SLC24A1: variants seen among roughly 807,000 people sequenced by gnomAD.
SLC24A1 encodes solute carrier family 24 member 1.
In SLC24A1, 52 loss-of-function variants were observed where a neutral mutation model predicts 88.1. That is an observed-to-expected ratio of 0.59 (90% CI 0.47 to 0.74). SLC24A1 has a LOEUF of 0.74. SLC24A1 is among the 30% of genes least tolerant of loss of function. The pLI is 0.00. For synonymous variants in SLC24A1, 455 were observed against 498.0 expected (o/e 0.91, Z 1.15); for missense variants, 1,173 against 1,363.3 (o/e 0.86, Z 2.20).
At chr15:65,615,201 T>G (rs1236802050) in intron 2 of SLC24A1, among the ~76,000 whole-genome samples, 1 of 151,368 alleles carries the variant, frequency 6.6e-6, no homozygotes, top group Non-Finnish European at 1.5e-5. Flanking sequence ...CAAGATCTTA[T>G]CTCTAAAAAC....
intron 2 of SLC24A1, among the ~76,000 whole-genome samples, chr15:65,635,899 G>C (rs546659106): frequency 6.6e-6 from 1 of 152,292 alleles, no homozygotes; most frequent in South Asian, 2.1e-4. Flanking sequence ...AAGCATCTTT[G>C]TATCCCTAAA....
At position 65,638,181 on chromosome 15, in the gene SLC24A1, G is replaced by A; in HGVS notation, c.1944G>A (p.Lys648=). ...AGCTACAGGATAACAAGAAGCTGAA[G>A]GTGGGTGCCGTATGGAGTCTGCCCA... is the stretch of plus-strand genomic sequence containing the variant. ...VDELQDNKKL[K]LPSLLTRGSS... is the part of the protein sequence containing the mutation. The change falls in exon 3 of 10, where the codon AAG becomes AAA. Residue 648 remains lysine (K), a splice_region_variant and synonymous_variant. Transcript: ENST00000261892. 6.2e-7 allele frequency: 1 copy of A among 1,603,372 alleles called. No individual in the cohort carries two copies. The highest frequency in any genetic ancestry group is 8.5e-7 in the Non-Finnish European group (1 of 1,173,336).
chr15:65,639,900 G>C (rs1298772237), intron 4 of SLC24A1, among the ~76,000 whole-genome samples, 197 bp downstream of exon 4: 1 of 152,162 alleles, frequency 6.6e-6, no homozygotes, highest in Admixed American at 6.5e-5. Context: ...CACCAAGAGA[G>C]GGCAACAAAG....
chr15:65,635,465 A>AAAAAAAAAAG (rs2074896509), intron 2 of SLC24A1, among the ~76,000 whole-genome samples: 1 of 143,718 alleles, frequency 7.0e-6, no homozygotes, highest in Non-Finnish European at 1.5e-5. Context: ...AAAAAAAAAA[A>AAAAAAAAAAG]AAAAAGAAAA....
intron 8 of SLC24A1, chr15:65,652,197 C>T (rs2075531827): frequency 6.4e-6 from 2 of 311,846 alleles, no homozygotes; most frequent in Non-Finnish European, 1.2e-5. Context: ...ACTAGCTTTC[C>T]TCTCTAAAAG....
chr15:65,657,858 C>T (rs988075092), downstream of SLC24A1, among the ~76,000 whole-genome samples: 5 of 152,114 alleles, frequency 3.3e-5, no homozygotes, highest in African/African-American at 1.2e-4. Context: ...ACATCCTGGC[C>T]CAAGTCTGCC....
At chr15:65,630,330 C>A (rs2074672241) in intron 2 of SLC24A1, among the ~76,000 whole-genome samples, 1 of 152,192 alleles carries the variant, frequency 6.6e-6, no homozygotes, top group Non-Finnish European at 1.5e-5. Flanking sequence ...ATCAACAAGA[C>A]CTCAAGCAGA....
At chr15:65,613,351 G>A (rs550424350) in intron 2 of SLC24A1, among the ~76,000 whole-genome samples, 2 of 152,330 alleles carry the variant, frequency 1.3e-5, no homozygotes, top group East Asian at 1.9e-4. Flanking sequence ...TCAAAGGGAA[G>A]TCTAGATATC....
chr15:65,627,149 A>G (rs909558816), intron 2 of SLC24A1, among the ~76,000 whole-genome samples: 1 of 152,174 alleles, frequency 6.6e-6, no homozygotes, highest in African/African-American at 2.4e-5. Flanking sequence ...TTTAGATAAC[A>G]TGTTGTTCTG....
upstream of SLC24A1, among the ~76,000 whole-genome samples, chr15:65,617,417 G>A (rs1242592934): frequency 3.3e-5 from 5 of 152,194 alleles, no homozygotes; most frequent in East Asian, 3.9e-4. Context: ...GCAGTGGTTT[G>A]TAGTTCTCCT....
intron 6 of SLC24A1, among the ~76,000 whole-genome samples, chr15:65,649,890 A>C (rs1000852880): frequency 6.6e-6 from 1 of 152,204 alleles, no homozygotes; most frequent in Non-Finnish European, 1.5e-5. Flanking sequence ...ACTCCATGCA[A>C]TATTCTGTAT....
intron 2 of SLC24A1, among the ~76,000 whole-genome samples, chr15:65,633,491 C>T (rs1248919468): frequency 2.0e-5 from 3 of 152,012 alleles, no homozygotes; most frequent in African/African-American, 7.2e-5. Context: ...GAAACCTCGT[C>T]TGTACTAAAA....
At chr15:65,613,480 TTGTG>T (rs35141100) in intron 2 of SLC24A1, among the ~76,000 whole-genome samples, 44 of 149,120 alleles carry the variant, frequency 3.0e-4, no homozygotes, top group African/African-American at 8.9e-4. Context: ...CAGGGTGATT[TTGTG>T]TGTGTGTGTG....
In SLC24A1 at chr15:65,653,725, T is replaced by C. The variant is rs1305069439; in HGVS notation, c.3051-105T>C. 3.3e-5 allele frequency: 38 copies of C among 1,137,472 alleles called. No homozygotes were observed. In the South Asian group the frequency reaches 5.6e-4, roughly 17 times the overall value. 70.5% of individuals were successfully genotyped at this position (1,137,472 alleles called of 1,614,324 possible). A position where few individuals can be genotyped will look rare whatever the true frequency, so the allele number is the denominator to read the frequency against. The stretch of plus-strand genomic sequence containing the variant: ...TAATAATTTCTGTTCACTTCATAGA[T>C]ATTTTATTGGTGGAAAAATACTTTG... On this transcript the variant is annotated intron_variant, in intron 9 of 9. Transcript: ENST00000261892.
downstream of SLC24A1, chr15:65,660,499 T>G: frequency 2.0e-6 from 1 of 509,300 alleles, no homozygotes. Context: ...TGATAATGTG[T>G]GCAAACACAC....
chr15:65,625,405 C>T lies in SLC24A1; in HGVS notation c.1325C>T (p.Pro442Leu), dbSNP rs763880354. ...CTCCACCCCAAGGGAGAGTACCCCCCAGATCTGTTCAGTGTGGAGGAGCGG... is the reference window on the plus strand; with the variant it reads ...CTCCACCCCAAGGGAGAGTACCCCCTAGATCTGTTCAGTGTGGAGGAGCGG... ...PDLHPKGEYP[P>L]DLFSVEERRQ... Residue 442 changes from proline (P) to leucine (L), a missense_variant, in exon 2 of 10, where the codon CCA becomes CTA. Coordinates refer to ENST00000261892, the MANE Select transcript of SLC24A1 (RefSeq NM_004727.3). 2.1e-5 allele frequency: 34 copies of T among 1,613,956 alleles called. No individual in the cohort carries two copies. In the South Asian group the frequency reaches 3.4e-4, roughly 16 times the overall value.
Position 65,625,611 on chromosome 15 carries a change from A to T in SLC24A1, c.1531A>T (p.Thr511Ser). The change falls in exon 2 of 10, where the codon ACC becomes TCC. Residue 511 changes from threonine (T) to serine (S), a missense_variant. Physicochemically the swap from Thr to Ser is moderately conservative, Grantham distance 58 (BLOSUM62 1). Transcript: ENST00000261892. ...AAGGSAPELFTSLIGVFISHS... is the reference protein window; with the variant it reads ...AAGGSAPELFSSLIGVFISHS... ...TGGAGGCTCTGCTCCTGAGCTCTTC[A>T]CCTCCCTCATCGGTGTCTTCATTTC... 4 of 1,613,404 alleles carry T rather than the reference A, an allele frequency of 2.5e-6. No individual in the cohort carries two copies. Among genetic ancestry groups the T allele is most frequent in the Non-Finnish European group, 3.4e-6 (4 of 1,179,784 alleles).
rs115819518 is a variant in SLC24A1, at chr15:65,639,202, A to G, written c.1945-393A>G. On this transcript the variant is annotated intron_variant, in intron 3 of 9. Coordinates refer to ENST00000261892, the MANE Select transcript of SLC24A1 (RefSeq NM_004727.3). ...GAGTGGGGCAATGATAAAACGTGAT[A>G]ATGCTCTTTGTGGACTGTAAAGGGC... is the stretch of plus-strand genomic sequence containing the variant. Among the ~76,000 whole-genome samples, 214 of 152,172 alleles carry G rather than the reference A, an allele frequency of 1.4e-3. 1 individual carries two copies. Among genetic ancestry groups the G allele is most frequent in the African/African-American group, 5.1e-3 (211 of 41,518 alleles).
intron 4 of SLC24A1, 143 bp downstream of exon 4, chr15:65,639,846 G>T: frequency 2.9e-6 from 2 of 688,074 alleles, no homozygotes; most frequent in Admixed American, 4.1e-5. Flanking sequence ...AGTAGTAAAA[G>T]TCAGACAGTC....
Sources: allele counts gnomAD v4.1 joint callset (sites outside exome capture counted in the v4.1 genomes callset), GRCh38; gene constraint gnomAD v4.1.1; transcripts MANE v1.5; gene names NCBI Gene and HGNC (gene_info 2026-07-23, HGNC 2026-07-21).